RBM27: variants seen among roughly 807,000 people sequenced by gnomAD.
The protein encoded by RBM27 is RNA binding motif protein 27.
In RBM27, 22 loss-of-function variants were observed where a neutral mutation model predicts 135.3. The ratio of observed to expected loss-of-function variants is 0.16; its 90% CI spans 0.12 to 0.23. The LOEUF is 0.23. RBM27 is among the 10% of genes least tolerant of loss of function. The probability of loss-of-function intolerance (pLI) is 1.00; values close to 1 mark genes in which losing one functional copy is unlikely to be tolerated. For missense variants in RBM27, 1,009 were observed against 1,281.0 expected (o/e 0.79, Z 3.24); for synonymous variants, 481 against 442.4 (o/e 1.09, Z -1.10).
chr5:146,207,593 C>T (rs963157295), intron 1 of RBM27, among the ~76,000 whole-genome samples: 5 of 151,616 alleles, frequency 3.3e-5, no homozygotes, highest in African/African-American at 1.2e-4. Flanking sequence ...TTCCAATTCC[C>T]GGGGGATTTT....
intron 9 of RBM27, among the ~76,000 whole-genome samples, chr5:146,252,228 TTAAAA>T (rs1322537581): frequency 6.6e-6 from 1 of 152,238 alleles, no homozygotes; most frequent in Admixed American, 6.5e-5. Flanking sequence ...TAATTTTTCT[TTAAAA>T]CAAAACAAAA....
chr5:146,284,049 G>A (rs1171871721), intron 19 of RBM27, among the ~76,000 whole-genome samples: 1 of 152,146 alleles, frequency 6.6e-6, no homozygotes, highest in Non-Finnish European at 1.5e-5. Context: ...TTAGTACCAA[G>A]TAACATTTGA....
intron 6 of RBM27, among the ~76,000 whole-genome samples, chr5:146,233,234 C>G (rs1757013132): frequency 6.6e-6 from 1 of 152,092 alleles, no homozygotes. Context: ...TTTGCTTTCT[C>G]AACAAGTCAT....
At chr5:146,265,702 T>G (rs1464884965) in intron 14 of RBM27, among the ~76,000 whole-genome samples, 2 of 152,186 alleles carry the variant, frequency 1.3e-5, no homozygotes, top group Non-Finnish European at 2.9e-5. Context: ...AAAAACAATT[T>G]AAAGAAAGCT....
intron 2 of RBM27, among the ~76,000 whole-genome samples, chr5:146,219,828 C>T (rs1756368206): frequency 6.6e-6 from 1 of 152,162 alleles, no homozygotes; most frequent in South Asian, 2.1e-4. Flanking sequence ...TCCATGCCTC[C>T]ATCCACTCTC....
At chr5:146,255,539 C>T in intron 10 of RBM27, among the ~76,000 whole-genome samples, 2 of 152,258 alleles carry the variant, frequency 1.3e-5, no homozygotes, top group Admixed American at 1.3e-4. Flanking sequence ...ATTTTTAACA[C>T]TTATAATTAC....
At chr5:146,251,315 A>G (rs1227390696) in intron 8 of RBM27, among the ~76,000 whole-genome samples, 3 of 152,002 alleles carry the variant, frequency 2.0e-5, no homozygotes, top group South Asian at 2.1e-4. Flanking sequence ...TTTTCTTTTT[A>G]ATGGATATGA....
intron 19 of RBM27, among the ~76,000 whole-genome samples, chr5:146,272,442 G>A (rs1361494980): frequency 6.6e-6 from 1 of 152,166 alleles, no homozygotes; most frequent in Non-Finnish European, 1.5e-5. Flanking sequence ...AGATGGCCAG[G>A]GACAATGGCT....
chr5:146,227,588 C>G (rs968841180), intron 3 of RBM27, among the ~76,000 whole-genome samples: 1 of 152,042 alleles, frequency 6.6e-6, no homozygotes, highest in Non-Finnish European at 1.5e-5. Context: ...TTTATTTCAC[C>G]TTTCTCTGGT....
At chr5:146,241,325 T>C (rs1198942943) in intron 8 of RBM27, among the ~76,000 whole-genome samples, 1 of 152,224 alleles carries the variant, frequency 6.6e-6, no homozygotes, top group Non-Finnish European at 1.5e-5. Context: ...CAAATATTTA[T>C]TGAATGCCTA....
intron 1 of RBM27, among the ~76,000 whole-genome samples, chr5:146,216,286 C>T (rs1756190544): frequency 6.6e-6 from 1 of 152,140 alleles, no homozygotes; most frequent in African/African-American, 2.4e-5. Flanking sequence ...ATTCCCCACA[C>T]TTTGGCCTCC....
chr5:146,261,025 C>T (rs1581215842), intron 12 of RBM27, 127 bp downstream of exon 12: 6 of 877,494 alleles, frequency 6.8e-6, no homozygotes, highest in East Asian at 2.5e-5. Flanking sequence ...CTGTAAATGC[C>T]ACCATATATC....
Position 146,235,638 on chromosome 5 carries a change from ATGT to A in RBM27, c.1145-1652_1145-1650del, listed in dbSNP as rs570436969. 4.6e-3 allele frequency among the ~76,000 whole-genome samples: 698 copies of A among 151,378 alleles called. 6 individuals carry two copies. The highest frequency in any genetic ancestry group is 0.016 in the African/African-American group (666 of 41,208). ...ATGCATATGTTTGGCCTATAGAAAC[ATGT>A]TGTTGTTTTTTTTTAACTTAGCATT... On this transcript the variant is annotated intron_variant, in intron 7 of 20. Transcript: ENST00000265271.
Position 146,261,551 on chromosome 5 carries a change from T to C in RBM27, c.1935T>C (p.Tyr645=). 6.2e-7 allele frequency: 1 copy of C among 1,614,218 alleles called. No homozygotes were observed. Among genetic ancestry groups the C allele is most frequent in the Non-Finnish European group, 8.5e-7 (1 of 1,180,038 alleles). Residue 645 remains tyrosine (Y), a synonymous_variant, in exon 13 of 21, where the codon TAT becomes TAC. Coordinates refer to ENST00000265271, the MANE Select transcript of RBM27 (RefSeq NM_018989.2). The part of the protein sequence containing the change: ...KGDPEAALIQ[Y]LTNEEARKAI... ...ACCCAGAAGCAGCCCTAATCCAATA[T>C]CTTACCAATGAGGAGGCCAGGAAAG...
At chr5:146,258,366 A>T in intron 10 of RBM27, 83 bp from the exon 11 acceptor site, 1 of 1,092,768 alleles carries the variant, frequency 9.2e-7, no homozygotes, top group African/African-American at 1.6e-5. Flanking sequence ...AGCTATTCAT[A>T]GTAGTTTTTA....
intron 6 of RBM27, among the ~76,000 whole-genome samples, chr5:146,232,867 C>A (rs192792844): frequency 3.9e-5 from 6 of 152,248 alleles, no homozygotes; most frequent in Admixed American, 3.9e-4. Context: ...GCGCCCAGCC[C>A]TGCTTCTTAG....
intron 8 of RBM27, among the ~76,000 whole-genome samples, chr5:146,237,664 G>T (rs1204589891): frequency 1.3e-5 from 2 of 152,134 alleles, no homozygotes; most frequent in African/African-American, 2.4e-5. Context: ...ATTTTACTCT[G>T]CCATGGAGTA....
chr5:146,250,047 C>T (rs111344794), intron 8 of RBM27, among the ~76,000 whole-genome samples: 2 of 152,180 alleles, frequency 1.3e-5, no homozygotes, highest in African/African-American at 4.8e-5. Context: ...TCTCCATATT[C>T]CCTTTAGGGA....
At chr5:146,241,707 C>T (rs1440421131) in intron 8 of RBM27, among the ~76,000 whole-genome samples, 1 of 152,152 alleles carries the variant, frequency 6.6e-6, no homozygotes, top group Non-Finnish European at 1.5e-5. Flanking sequence ...TATCCGCCCG[C>T]CTCGGCTTCC....
Sources: allele counts gnomAD v4.1 joint callset (sites outside exome capture counted in the v4.1 genomes callset), GRCh38; gene constraint gnomAD v4.1.1; transcripts MANE v1.5; gene names NCBI Gene and HGNC (gene_info 2026-07-23, HGNC 2026-07-21).